Variants in KCNIP4 observed in about 807,000 individuals in gnomAD.
The protein encoded by KCNIP4 is potassium voltage-gated channel interacting protein 4.
A neutral mutation model predicts 34.0 loss-of-function variants in KCNIP4; 12 were observed. The observed-to-expected ratio is 0.35, with a 90% CI of 0.23 to 0.57. The LOEUF (loss-of-function observed/expected upper bound fraction) is 0.57. Ranked by LOEUF, KCNIP4 falls within the 20% of genes least tolerant of loss-of-function variation. The pLI is 0.83. For synonymous variants in KCNIP4, 124 were observed against 102.2 expected, an observed-to-expected ratio of 1.21 and a Z score of -1.29; for missense variants, 238 against 311.7, an observed-to-expected ratio of 0.76 and a Z score of 1.78.
At chr4:21,560,777 C>A (rs1295792482) in intron 1 of KCNIP4, among the ~76,000 whole-genome samples, 2 of 152,062 alleles carry the variant, frequency 1.3e-5, no homozygotes, top group East Asian at 1.9e-4. Flanking sequence ...TAAAGTTGGG[C>A]ATATTTCATG....
At chr4:21,025,966 A>G (rs549273618) in intron 1 of KCNIP4, among the ~76,000 whole-genome samples, 1 of 152,326 alleles carries the variant, frequency 6.6e-6, no homozygotes, top group African/African-American at 2.4e-5. Flanking sequence ...CAAAACTGGC[A>G]CAGTCTTTGA....
At chr4:21,727,564 C>T (rs2109105298) in intron 1 of KCNIP4, among the ~76,000 whole-genome samples, 1 of 152,224 alleles carries the variant, frequency 6.6e-6, no homozygotes. Flanking sequence ...TGTGGTGGCT[C>T]ATGTCTGTAA....
At chr4:21,683,863 T>C (rs951484581) in intron 1 of KCNIP4, among the ~76,000 whole-genome samples, 1 of 152,094 alleles carries the variant, frequency 6.6e-6, no homozygotes, top group Non-Finnish European at 1.5e-5. Flanking sequence ...CTGTGGTGCA[T>C]ACACATTGTC....
rs116251508 is a variant in KCNIP4, at chr4:20,983,611, T to C, written c.62-100902A>G. 6.1e-3 allele frequency among the ~76,000 whole-genome samples: 926 copies of C among 152,290 alleles called. 12 individuals carry two copies. The highest frequency in any genetic ancestry group is 0.021 in the African/African-American group (878 of 41,554). On this transcript the variant is annotated intron_variant, in intron 1 of 8. Coordinates refer to ENST00000382152, the MANE Select transcript of KCNIP4 (RefSeq NM_025221.6). ...CCCAAGTAGATTTCAAATAGAAAGA[T>C]AATGGTACAATATCCCTTCCCTTCT...
chr4:21,293,156 T>C (rs544344494), intron 1 of KCNIP4, among the ~76,000 whole-genome samples: 1 of 152,352 alleles, frequency 6.6e-6, no homozygotes, highest in South Asian at 2.1e-4. Flanking sequence ...ATCTGGCTTC[T>C]TACATTGTAT....
At chr4:21,814,614 G>A (rs887618960) in intron 1 of KCNIP4, among the ~76,000 whole-genome samples, 2 of 152,110 alleles carry the variant, frequency 1.3e-5, no homozygotes, top group Non-Finnish European at 2.9e-5. Flanking sequence ...AGCGTGAGAA[G>A]AGACTAATAC....
At chr4:21,915,903 G>A (rs141856394) in intron 1 of KCNIP4, among the ~76,000 whole-genome samples, 534 of 152,288 alleles carry the variant, frequency 3.5e-3, no homozygotes, top group Non-Finnish European at 5.0e-3. Context: ...ACAACCACAG[G>A]TGTGGATTTT....
chr4:21,513,776 G>A (rs1734532208), intron 1 of KCNIP4, among the ~76,000 whole-genome samples: 1 of 152,038 alleles, frequency 6.6e-6, no homozygotes, highest in Non-Finnish European at 1.5e-5. Context: ...TTAGTTAGCT[G>A]TCATTTAGAT....
rs150213045 is a variant in KCNIP4, at chr4:20,861,137, C to A, written c.164-10470G>T. ...AGCTGATGAGTGTGGGCACGGGGAG[C>A]CAGGACCTGCCCCAAACCTGTCTTT... On this transcript the variant is annotated intron_variant, in intron 2 of 8. Transcript: ENST00000382152. Among the ~76,000 whole-genome samples, 66 of 152,228 alleles carry A rather than the reference C, an allele frequency of 4.3e-4. No individual in the cohort carries two copies. In the East Asian group the frequency reaches 0.01, roughly 23 times the overall value.
intron 1 of KCNIP4, among the ~76,000 whole-genome samples, chr4:21,493,026 G>A (rs73801933): frequency 0.013 from 1,934 of 152,250 alleles, 49 homozygotes; most frequent in African/African-American, 0.045. Context: ...GAGAGAAACA[G>A]CAGGCAATAG....
chr4:21,557,106 T>C (rs77468128), intron 1 of KCNIP4, among the ~76,000 whole-genome samples: 10,655 of 152,070 alleles, frequency 0.07, 449 homozygotes, highest in East Asian at 0.15. Context: ...GTGGGTACCA[T>C]GTGGAGCACT....
intron 3 of KCNIP4, among the ~76,000 whole-genome samples, chr4:20,824,782 A>G (rs1332282925): frequency 6.6e-6 from 1 of 151,798 alleles, no homozygotes; most frequent in Non-Finnish European, 1.5e-5. Context: ...AGAATAGGTA[A>G]CATTAAAGGA....
chr4:21,291,811 G>A (rs1191104283), intron 1 of KCNIP4, among the ~76,000 whole-genome samples: 18 of 143,940 alleles, frequency 1.3e-4, no homozygotes, highest in East Asian at 4.2e-4. Context: ...TCAAGATCGC[G>A]CCGCTGCACT....
Position 21,870,927 on chromosome 4 carries a change from AAAT to A in KCNIP4, c.61+77641_61+77643del, listed in dbSNP as rs554659994. Among the ~76,000 whole-genome samples, 24 of 152,320 alleles carry A rather than the reference AAAT, an allele frequency of 1.6e-4. No individual in the cohort carries two copies. In the East Asian group the frequency reaches 4.1e-3, roughly 26 times the overall value. On this transcript the variant is annotated intron_variant, in intron 1 of 8. Coordinates refer to ENST00000382152, the MANE Select transcript of KCNIP4 (RefSeq NM_025221.6). Reference sequence around the variant, plus strand: ...ATTAGAGTTAAGTATTAGTAATAATAAATAATAGCTAACTAAATTCAAATCGAG... The same window carrying A: ...ATTAGAGTTAAGTATTAGTAATAATAAATAGCTAACTAAATTCAAATCGAG...
At chr4:21,235,606 A>G (rs1486098983) in intron 1 of KCNIP4, among the ~76,000 whole-genome samples, 9 of 152,040 alleles carry the variant, frequency 5.9e-5, no homozygotes, top group Non-Finnish European at 7.4e-5. Flanking sequence ...CTACTCATTT[A>G]CCATGCTATA....
intron 1 of KCNIP4, among the ~76,000 whole-genome samples, chr4:21,293,341 A>G (rs1210684418): frequency 6.6e-6 from 1 of 152,170 alleles, no homozygotes; most frequent in Non-Finnish European, 1.5e-5. Flanking sequence ...GTTCAAGTCT[A>G]TGGATTTTTT....
chr4:21,343,823 C>T (rs1014500201), intron 1 of KCNIP4, among the ~76,000 whole-genome samples: 1 of 152,016 alleles, frequency 6.6e-6, no homozygotes, highest in Non-Finnish European at 1.5e-5. Flanking sequence ...TGCTCAGAGC[C>T]CTTCCTATGT....
chr4:21,862,574 G>A (rs764987793), intron 1 of KCNIP4, among the ~76,000 whole-genome samples: 5 of 152,278 alleles, frequency 3.3e-5, no homozygotes, highest in Admixed American at 6.5e-5. Flanking sequence ...AAGCTTCATC[G>A]AGAAAGTGAC....
At chr4:21,493,941 G>A (rs1159047786) in intron 1 of KCNIP4, among the ~76,000 whole-genome samples, 3 of 152,184 alleles carry the variant, frequency 2.0e-5, no homozygotes, top group East Asian at 1.9e-4. Context: ...AATAGAGAAG[G>A]TTTCATTTTC....
Sources: gnomAD v4.1 joint callset for allele counts (sites outside exome capture counted in the v4.1 genomes callset) on GRCh38, gnomAD v4.1.1 for gene constraint, MANE v1.5 for transcripts, NCBI Gene and HGNC (gene_info 2026-07-23, HGNC 2026-07-21) for gene names.